The following PPFIBP1 variants were observed in gnomAD, a reference collection of about 807,000 sequenced individuals.
PPFIBP1 encodes liprin-beta-1.
A neutral mutation model predicts 137.8 loss-of-function variants in PPFIBP1; 112 were observed. That is an observed-to-expected ratio of 0.81 (90% CI 0.70 to 0.95). The LOEUF (loss-of-function observed/expected upper bound fraction) is 0.95. Ranked by LOEUF, PPFIBP1 falls within the 40% of genes least tolerant of loss-of-function variation. The pLI is 0.00. For synonymous variants in PPFIBP1, 378 were observed against 417.3 expected (o/e 0.91, Z 1.15); for missense variants, 1,083 against 1,196.6 (o/e 0.91, Z 1.40).
At chr12:27,591,079 A>G (rs568043356) in intron 2 of PPFIBP1, among the ~76,000 whole-genome samples, 7 of 152,054 alleles carry the variant, frequency 4.6e-5, no homozygotes, top group African/African-American at 1.7e-4. Flanking sequence ...AAGGCAATTG[A>G]GCCTAAAGAT....
At chr12:27,553,809 C>T (rs1005801314) in intron 1 of PPFIBP1, among the ~76,000 whole-genome samples, 37 of 152,184 alleles carry the variant, frequency 2.4e-4, no homozygotes, top group Admixed American at 2.2e-3. Context: ...CTGCAGCCAA[C>T]GATCAAATGG....
chr12:27,642,673 A>G (rs1414440535), intron 4 of PPFIBP1, among the ~76,000 whole-genome samples: 5 of 152,208 alleles, frequency 3.3e-5, no homozygotes, highest in African/African-American at 1.2e-4. Flanking sequence ...GACATGGGTT[A>G]TGAAAGACAG....
At chr12:27,535,004 C>T (rs1944828914) in intron 1 of PPFIBP1, among the ~76,000 whole-genome samples, 1 of 152,082 alleles carries the variant, frequency 6.6e-6, no homozygotes, top group Non-Finnish European at 1.5e-5. Flanking sequence ...ATTGGTGGGT[C>T]TTATGGTGGT....
At chr12:27,689,710 C>A (rs1013982375) in intron 27 of PPFIBP1, among the ~76,000 whole-genome samples, 3 of 152,116 alleles carry the variant, frequency 2.0e-5, no homozygotes, top group Non-Finnish European at 4.4e-5. Context: ...AGTTCCCAAC[C>A]CAGGCTTGTG....
At chr12:27,661,629 C>T (rs1223267828) in intron 11 of PPFIBP1, among the ~76,000 whole-genome samples, 1 of 152,196 alleles carries the variant, frequency 6.6e-6, no homozygotes, top group Non-Finnish European at 1.5e-5. Context: ...CTGATGTCAT[C>T]AGAACTTCTC....
At chr12:27,595,897 ATATAT>A (rs2053222342) in intron 2 of PPFIBP1, among the ~76,000 whole-genome samples, 5 of 82,172 alleles carry the variant, frequency 6.1e-5, no homozygotes, top group South Asian at 4.6e-4. Context: ...ATATATATAT[ATATAT>A]ATATATATAT....
In PPFIBP1 at chr12:27,644,362, T is replaced by C. The variant is rs554450454; in HGVS notation, c.271-1700T>C. On this transcript the variant is annotated intron_variant, in intron 4 of 29. Transcript: ENST00000228425. Reference sequence around the variant, plus strand: ...TCCCGAAGTGCTGGAATTACAGGTATGCACCACCACCCTTGGCCAGTTTTA... The same window carrying C: ...TCCCGAAGTGCTGGAATTACAGGTACGCACCACCACCCTTGGCCAGTTTTA... 8.2e-4 allele frequency among the ~76,000 whole-genome samples: 124 copies of C among 151,702 alleles called. 1 individual carries two copies. The highest frequency in any genetic ancestry group is 2.9e-3 in the African/African-American group (119 of 41,388).
rs1177915685 is a variant in PPFIBP1 at position 27,682,564 on chromosome 12, C to T, written c.2159-51C>T. 3.1e-6 allele frequency: 5 copies of T among 1,610,364 alleles called. No individual in the cohort carries two copies. The South Asian group carries it at 5.5e-5, about 18-fold the overall frequency. On this transcript the variant is annotated intron_variant, in intron 23 of 29. Coordinates refer to ENST00000228425, the MANE Select transcript of PPFIBP1 (RefSeq NM_003622.4). Reference sequence around the variant, plus strand: ...CATAGTTGCTTTTTCTTTTTAATCACAAGAACAGATGTTTTGTGGCATGGT... The same window carrying T: ...CATAGTTGCTTTTTCTTTTTAATCATAAGAACAGATGTTTTGTGGCATGGT...
At chr12:27,525,002 C>G (rs1009539864) in intron 1 of PPFIBP1, among the ~76,000 whole-genome samples, 2 of 152,004 alleles carry the variant, frequency 1.3e-5, no homozygotes, top group Non-Finnish European at 2.9e-5. Flanking sequence ...CCTTCAGCTG[C>G]CAGCTTTATA....
chr12:27,593,080 C>T (rs573746642), intron 2 of PPFIBP1, among the ~76,000 whole-genome samples: 1 of 134,726 alleles, frequency 7.4e-6, no homozygotes, highest in African/African-American at 2.9e-5. Flanking sequence ...TGCAGTGAGC[C>T]GAGATCACAC....
At chr12:27,528,755 G>C (rs988740597) in intron 1 of PPFIBP1, among the ~76,000 whole-genome samples, 1 of 152,146 alleles carries the variant, frequency 6.6e-6, no homozygotes, top group Non-Finnish European at 1.5e-5. Context: ...TCTTCTAGGA[G>C]TTTTAAGTTT....
chr12:27,623,768 G>T (rs2056557500), intron 2 of PPFIBP1, among the ~76,000 whole-genome samples: 1 of 152,086 alleles, frequency 6.6e-6, no homozygotes, highest in South Asian at 2.1e-4. Context: ...TCTGGCTTAT[G>T]CAGCTAAGAG....
intron 1 of PPFIBP1, among the ~76,000 whole-genome samples, chr12:27,568,296 T>G (rs1459532103): frequency 1.3e-5 from 2 of 152,248 alleles, no homozygotes; most frequent in Non-Finnish European, 2.9e-5. Context: ...ATTAGGGAGA[T>G]TTTGCTTTTA....
At chr12:27,608,999 G>T in intron 2 of PPFIBP1, 1 of 164,970 alleles carries the variant, frequency 6.1e-6, no homozygotes, top group Non-Finnish European at 1.3e-5. Context: ...TCTTCTTCGG[G>T]GTCTCCCTTC....
intron 4 of PPFIBP1, among the ~76,000 whole-genome samples, chr12:27,643,705 T>C (rs2058273478): frequency 1.1e-5 from 1 of 90,084 alleles, no homozygotes; most frequent in South Asian, 4.0e-4. Context: ...TGGATCTTAC[T>C]GCCAACATTC....
chr12:27,578,962 T>G (rs368492032), intron 2 of PPFIBP1, among the ~76,000 whole-genome samples: 3 of 152,344 alleles, frequency 2.0e-5, no homozygotes, highest in African/African-American at 7.2e-5. Context: ...TGTCTGACTT[T>G]CTCTGATTTG....
chr12:27,598,931 G>A lies in PPFIBP1; in HGVS notation c.-36+20692G>A, dbSNP rs528653866. ...CTTTTCTCTTGAAGCAAGATCAACT[G>A]TAATAAAGCTTCTTGAAGTTTTAGA... On this transcript the variant is annotated intron_variant, in intron 2 of 29. Transcript: ENST00000228425. 1.3e-3 allele frequency among the ~76,000 whole-genome samples: 195 copies of A among 152,288 alleles called. 1 individual carries two copies. The South Asian group carries it at 0.014, about 11-fold the overall frequency.
intron 2 of PPFIBP1, among the ~76,000 whole-genome samples, chr12:27,624,522 A>G (rs969396135): frequency 1.3e-5 from 2 of 152,248 alleles, no homozygotes; most frequent in African/African-American, 2.4e-5. Context: ...ATTCCTAAGC[A>G]TTAATAGCAG....
chr12:27,538,512 G>T (rs1945303660), intron 1 of PPFIBP1, among the ~76,000 whole-genome samples: 1 of 152,216 alleles, frequency 6.6e-6, no homozygotes, highest in Admixed American at 6.5e-5. Flanking sequence ...AGGAAACTGA[G>T]AATTTTTTCC....
Sources: allele counts gnomAD v4.1 joint callset (sites outside exome capture counted in the v4.1 genomes callset), GRCh38; gene constraint gnomAD v4.1.1; transcripts MANE v1.5; gene names NCBI Gene and HGNC (gene_info 2026-07-23, HGNC 2026-07-21).